Variants in ZNF529 observed in about 807,000 individuals in gnomAD.
The protein encoded by ZNF529 is zinc finger protein 529.
Under a neutral mutation model 10.1 loss-of-function variants are expected in ZNF529, and 11 were observed. The ratio of observed to expected loss-of-function variants is 1.09; its 90% CI spans 0.69 to 1.81. ZNF529 has a LOEUF of 1.81. Ranked by LOEUF, ZNF529 falls within the 40% of genes most tolerant of loss-of-function variation. The probability of loss-of-function intolerance (pLI) is 0.00; values close to 1 mark genes in which losing one functional copy is unlikely to be tolerated. For synonymous variants in ZNF529, 204 were observed against 215.7 expected, an observed-to-expected ratio of 0.95 and a Z score of 0.47; for missense variants, 624 against 666.8, an observed-to-expected ratio of 0.94 and a Z score of 0.71.
rs1442910097 is a variant in ZNF529 at position 36,547,890 on chromosome 19, C to T, written c.668G>A (p.Gly223Asp). 7 of 1,612,360 alleles carry T rather than the reference C, an allele frequency of 4.3e-6. No individual in the cohort carries two copies. The African/African-American group carries it at 6.7e-5, about 15-fold the overall frequency. Residue 223 changes from glycine (G) to aspartate (D), a missense_variant, in exon 5 of 5, where the codon GGT becomes GAT. Physicochemically the swap from Gly to Asp is moderately conservative, Grantham distance 94. Transcript: ENST00000591340. ...TTCCATATATTTACAAGGTTTCACACCAGTATGAATATTCAGTTGTAACAT... is the reference window on the plus strand; with the variant it reads ...TTCCATATATTTACAAGGTTTCACATCAGTATGAATATTCAGTTGTAACAT... The part of the protein sequence containing the change: ...SSMLQLNIHT[G>D]VKPCKYMEYG...
At chr19:36,592,465 G>A (rs1460549725) in intron 1 of ZNF529, among the ~76,000 whole-genome samples, 1 of 151,010 alleles carries the variant, frequency 6.6e-6, no homozygotes. Flanking sequence ...ATGGTGACAC[G>A]TGCCTGTAGT....
intron 2 of ZNF529, among the ~76,000 whole-genome samples, chr19:36,558,925 C>T (rs538759942): frequency 7.2e-6 from 1 of 137,946 alleles, no homozygotes; most frequent in Non-Finnish European, 1.5e-5. Context: ...GAAATTCATT[C>T]AACTCAATAG....
rs944942038 is a variant in ZNF529 at position 36,544,614 on chromosome 19, T to G, written c.*2252A>C. 2 of 152,176 alleles carry G rather than the reference T, an allele frequency of 1.3e-5. No individual in the cohort carries two copies. The highest frequency in any genetic ancestry group is 4.8e-5 in the African/African-American group (2 of 41,450). The allele number at this position is 152,176 out of a possible 1,614,324, so 9.4% of individuals were successfully genotyped here. The stretch of plus-strand genomic sequence containing the variant: ...TGTTGTTACATAAATAGAATTTAGT[T>G]AGAAATAGAGCTACTACTCTATTTC... On this transcript the variant is annotated 3_prime_UTR_variant, in exon 5 of 5. Coordinates refer to ENST00000591340, the MANE Select transcript of ZNF529 (RefSeq NM_020951.5).
intron 2 of ZNF529, among the ~76,000 whole-genome samples, chr19:36,560,548 A>G (rs2035649888): frequency 6.6e-6 from 1 of 152,202 alleles, no homozygotes; most frequent in Non-Finnish European, 1.5e-5. Flanking sequence ...TTGATAAAAT[A>G]AAAGTTATAA....
At chr19:36,594,571 GA>G (rs1387526674) in intron 1 of ZNF529, 1 of 152,412 alleles carries the variant, frequency 6.6e-6, no homozygotes, top group Non-Finnish European at 1.5e-5. Flanking sequence ...CACCACACGT[GA>G]AAACGAGCAA....
At chr19:36,566,942 G>C (rs1014512651) in intron 2 of ZNF529, among the ~76,000 whole-genome samples, 32 of 151,776 alleles carry the variant, frequency 2.1e-4, no homozygotes, top group Non-Finnish European at 8.8e-5. Flanking sequence ...AGCGCTGGAA[G>C]GAGGCAGAGG....
intron 1 of ZNF529, among the ~76,000 whole-genome samples, chr19:36,598,788 A>G (rs1433779224): frequency 6.6e-6 from 1 of 152,178 alleles, no homozygotes. Flanking sequence ...CCTAATAAAT[A>G]TCATCTATTT....
chr19:36,581,465 C>T (rs1353107823), intron 2 of ZNF529: 2 of 152,176 alleles, frequency 1.3e-5, no homozygotes, highest in Admixed American at 6.5e-5. Context: ...GAAATACGTA[C>T]AACCCAGATG....
At position 36,547,510 on chromosome 19, in the gene ZNF529, T is replaced by G. The variant is rs1238627030; in HGVS notation, c.1048A>C (p.Ser350Arg). The G allele has an allele frequency of 6.2e-7, 1 of 1,613,390 alleles. No homozygotes were observed. Among genetic ancestry groups the G allele is most frequent in the Non-Finnish European group, 8.5e-7 (1 of 1,179,386 alleles). Reference protein sequence around the residue: ...CMHCEKVFRISSQLIEHQRIH... With the variant: ...CMHCEKVFRIRSQLIEHQRIH... ...CTCTGATGTTCAATGAGCTGTGAACTAATTCTAAAAACCTTCTCACAGTGC... is the reference window on the plus strand; with the variant it reads ...CTCTGATGTTCAATGAGCTGTGAACGAATTCTAAAAACCTTCTCACAGTGC... The change falls in exon 5 of 5, where the codon AGT becomes CGT. Residue 350 changes from serine (S) to arginine (R), a missense_variant. By Grantham distance (110) the Ser-to-Arg change is moderately radical. Coordinates refer to ENST00000591340, the MANE Select transcript of ZNF529 (RefSeq NM_020951.5).
At chr19:36,554,361 A>G (rs1254809844) in intron 4 of ZNF529, among the ~76,000 whole-genome samples, 3 of 152,080 alleles carry the variant, frequency 2.0e-5, no homozygotes, top group Non-Finnish European at 4.4e-5. Flanking sequence ...GGCGAATCAC[A>G]AGGTCAGGAG....
At chr19:36,558,692 A>T (rs1456822666) in intron 2 of ZNF529, among the ~76,000 whole-genome samples, 1 of 152,136 alleles carries the variant, frequency 6.6e-6, no homozygotes, top group Non-Finnish European at 1.5e-5. Flanking sequence ...TCCTAGAAGA[A>T]AACATAGTAA....
In ZNF529 at chr19:36,546,766, T is replaced by C; in HGVS notation, c.*100A>G. 7.7e-7 allele frequency: 1 copy of C among 1,299,422 alleles called. No individual in the cohort carries two copies. Among genetic ancestry groups the C allele is most frequent in the East Asian group, 2.4e-5 (1 of 42,180 alleles). 80.5% of individuals were successfully genotyped at this position (1,299,422 alleles called of 1,614,324 possible). On this transcript the variant is annotated 3_prime_UTR_variant, in exon 5 of 5. Transcript: ENST00000591340. ...GACCATGAAGTCTAAAAACAGACTT[T>C]AAGAGAGGGAGATACTGAATTGCCT...
At chr19:36,575,691 T>TA (rs2145222515), upstream of ZNF529, among the ~76,000 whole-genome samples, 1 of 152,258 alleles carries the variant, frequency 6.6e-6, no homozygotes, top group African/African-American at 2.4e-5. Flanking sequence ...ACAGTGTAAT[T>TA]ACTTTCTTCT....
chr19:36,565,819 G>A (rs2035876846), intron 2 of ZNF529, among the ~76,000 whole-genome samples: 4 of 152,132 alleles, frequency 2.6e-5, no homozygotes, highest in African/African-American at 4.8e-5. Context: ...AAAGACTAAC[G>A]TGTAAAACAG....
rs1269157739 is a variant in ZNF529, at chr19:36,595,921, G to A, written c.-127-6220C>T. Among the ~76,000 whole-genome samples, 5 of 151,758 alleles carry A rather than the reference G, an allele frequency of 3.3e-5. No homozygotes were observed. In the South Asian group the frequency reaches 6.3e-4, roughly 19 times the overall value. ...GTATTCTATATATGTCAATTAGGTC[G>A]TTTGCTCACCTCCATCATTAATAAT... On this transcript the variant is annotated intron_variant, in intron 1 of 4. Transcript: ENST00000585960.
At chr19:36,549,949 G>A (rs1055142120) in intron 4 of ZNF529, among the ~76,000 whole-genome samples, 2 of 152,160 alleles carry the variant, frequency 1.3e-5, no homozygotes, top group African/African-American at 4.8e-5. Flanking sequence ...GTGTGAAAAG[G>A]AGAATATGCT....
intron 2 of ZNF529, among the ~76,000 whole-genome samples, chr19:36,558,210 G>C (rs1353257137): frequency 2.0e-5 from 3 of 151,824 alleles, no homozygotes; most frequent in African/African-American, 7.3e-5. Context: ...GATATAAACA[G>C]GAGTACCAGA....
chr19:36,569,192 G>T (rs1159884449), intron 2 of ZNF529, among the ~76,000 whole-genome samples: 1 of 152,068 alleles, frequency 6.6e-6, no homozygotes, highest in Non-Finnish European at 1.5e-5. Flanking sequence ...GATCTCCAAC[G>T]GTCTGCAAAA....
upstream of ZNF529, among the ~76,000 whole-genome samples, chr19:36,578,291 C>CTTTT (rs1159725232): frequency 0.027 from 845 of 31,808 alleles, 288 homozygotes; most frequent in Middle Eastern, 0.038. Context: ...GTCTTGATCT[C>CTTTT]TTTTTTTTTT....
Sources: gnomAD v4.1 joint callset for allele counts (sites outside exome capture counted in the v4.1 genomes callset) on GRCh38, gnomAD v4.1.1 for gene constraint, MANE v1.5 for transcripts, NCBI Gene and HGNC (gene_info 2026-07-23, HGNC 2026-07-21) for gene names.